ADGRL2: variants seen among roughly 807,000 people sequenced by gnomAD.
ADGRL2 encodes the protein calcium-independent alpha-latrotoxin receptor 2.
Under a neutral mutation model 157.4 loss-of-function variants are expected in ADGRL2, and 44 were observed. The observed-to-expected ratio is 0.28, with a 90% CI of 0.22 to 0.36. The LOEUF is 0.36. ADGRL2 is among the 10% of genes least tolerant of loss of function. The pLI is 1.00. For missense variants in ADGRL2, 1,510 were observed against 1,768.9 expected (o/e 0.85, Z 2.63); for synonymous variants, 585 against 624.7 (o/e 0.94, Z 0.95).
At chr1:81,649,450 T>C (rs1459504347) in intron 3 of ADGRL2, among the ~76,000 whole-genome samples, 1 of 152,204 alleles carries the variant, frequency 6.6e-6, no homozygotes, top group Non-Finnish European at 1.5e-5. Context: ...AAAGTTATTT[T>C]TGAGCTGAGG....
At chr1:81,951,786 T>C (rs1047663982) in intron 8 of ADGRL2, among the ~76,000 whole-genome samples, 171 bp from the exon 9 acceptor site, 41 of 152,056 alleles carry the variant, frequency 2.7e-4, no homozygotes, top group African/African-American at 8.5e-4. Flanking sequence ...TGTGTGTTGA[T>C]AATCTAAGAG....
intron 1 of ADGRL2, among the ~76,000 whole-genome samples, chr1:81,428,601 A>G (rs923625106): frequency 2.0e-5 from 3 of 152,148 alleles, no homozygotes; most frequent in Admixed American, 6.5e-5. Flanking sequence ...TGGGGGATGC[A>G]GGCAATTTTA....
chr1:81,782,880 G>A (rs74095920), intron 2 of ADGRL2, among the ~76,000 whole-genome samples: 3 of 152,288 alleles, frequency 2.0e-5, no homozygotes, highest in African/African-American at 7.2e-5. Flanking sequence ...ATCTACCTGA[G>A]TATCAAAGAA....
intron 6 of ADGRL2, among the ~76,000 whole-genome samples, chr1:81,945,340 T>G (rs1649458087): frequency 2.6e-5 from 4 of 152,094 alleles, no homozygotes; most frequent in African/African-American, 9.6e-5. Context: ...ATGTTAACCT[T>G]TTTGTAGCCT....
chr1:81,570,935 C>T (rs895988317), intron 2 of ADGRL2, among the ~76,000 whole-genome samples: 1 of 152,104 alleles, frequency 6.6e-6, no homozygotes, highest in Non-Finnish European at 1.5e-5. Flanking sequence ...CCTGTTGCAA[C>T]TACCTAACTC....
intron 3 of ADGRL2, among the ~76,000 whole-genome samples, chr1:81,608,535 G>A (rs1247970192): frequency 6.6e-6 from 1 of 152,170 alleles, no homozygotes; most frequent in South Asian, 2.1e-4. Context: ...GCTTGTGTGT[G>A]TGTTCTTTAG....
chr1:81,940,090 A>C (rs1025165803), intron 4 of ADGRL2, among the ~76,000 whole-genome samples: 1 of 151,558 alleles, frequency 6.6e-6, no homozygotes, highest in African/African-American at 2.4e-5. Flanking sequence ...TAGTTTATCA[A>C]ATAACAAAAT....
At chr1:81,595,214 T>C (rs2081208240) in intron 3 of ADGRL2, among the ~76,000 whole-genome samples, 2 of 152,082 alleles carry the variant, frequency 1.3e-5, no homozygotes, top group African/African-American at 4.8e-5. Context: ...AATTGAGAAG[T>C]GCAATACTTT....
chr1:81,777,950 C>T (rs2086651692), intron 2 of ADGRL2, among the ~76,000 whole-genome samples: 1 of 152,098 alleles, frequency 6.6e-6, no homozygotes, highest in African/African-American at 2.4e-5. Flanking sequence ...CCTTGAAAAG[C>T]CTTCCTCCAG....
At chr1:81,482,134 A>G (rs1488452998) in intron 2 of ADGRL2, among the ~76,000 whole-genome samples, 1 of 152,344 alleles carries the variant, frequency 6.6e-6, no homozygotes, top group Non-Finnish European at 1.5e-5. Context: ...TTAAAACACC[A>G]GTTTGAGAAT....
chr1:81,677,336 G>A (rs185045232), intron 3 of ADGRL2, among the ~76,000 whole-genome samples: 12 of 152,286 alleles, frequency 7.9e-5, no homozygotes, highest in Admixed American at 7.8e-4. Context: ...CCAACTCCTT[G>A]TGATCTAGTT....
chr1:81,426,509 G>A (rs534904987), intron 1 of ADGRL2: 20 of 403,456 alleles, frequency 5.0e-5, no homozygotes, highest in South Asian at 1.9e-4. Flanking sequence ...AGCTGTGACC[G>A]TCACCGCCGG....
chr1:81,421,682 C>G (rs77803460), intron 1 of ADGRL2, among the ~76,000 whole-genome samples: 2 of 149,990 alleles, frequency 1.3e-5, no homozygotes, highest in East Asian at 4.1e-4. Context: ...AACCACACAA[C>G]ATCTCAACTA....
chr1:81,344,821 G>A (rs1265478194), intron 1 of ADGRL2, among the ~76,000 whole-genome samples: 1 of 152,060 alleles, frequency 6.6e-6, no homozygotes, highest in Non-Finnish European at 1.5e-5. Context: ...TCATGCTATT[G>A]ATCAAGTGAA....
At chr1:81,617,797 G>C (rs2081694503) in intron 3 of ADGRL2, among the ~76,000 whole-genome samples, 1 of 152,138 alleles carries the variant, frequency 6.6e-6, no homozygotes, top group Admixed American at 6.5e-5. Flanking sequence ...TATTCCCCGT[G>C]GAATTACCTC....
intron 1 of ADGRL2, among the ~76,000 whole-genome samples, chr1:81,406,908 G>A (rs10874238): frequency 0.67 from 101,146 of 152,032 alleles, 34,507 homozygotes; most frequent in Admixed American, 0.76. Flanking sequence ...ATGGAAATAA[G>A]CTCAATCAGC....
intron 1 of ADGRL2, among the ~76,000 whole-genome samples, chr1:81,371,968 G>C (rs565527231): frequency 6.6e-6 from 1 of 152,254 alleles, no homozygotes; most frequent in Non-Finnish European, 1.5e-5. Context: ...GTCTGTTGTA[G>C]GTACAGTTGA....
chr1:81,455,204 A>C (rs1239000085), intron 2 of ADGRL2, among the ~76,000 whole-genome samples: 2 of 152,232 alleles, frequency 1.3e-5, no homozygotes, highest in Admixed American at 1.3e-4. Flanking sequence ...TTACTCTGTC[A>C]GTCAGTGTAT....
rs564645820 is a variant in ADGRL2 at position 81,783,102 on chromosome 1, T to A, written c.-101+21250T>A. On this transcript the variant is annotated intron_variant, in intron 2 of 20. Coordinates refer to the ADGRL2 transcript ENST00000359929. ...GTCCAGCATGCATATAGGCATACTT[T>A]GCCTGTATTCACCTTTCTTGCTATT... 9.8e-5 allele frequency among the ~76,000 whole-genome samples: 15 copies of A among 152,296 alleles called. No individual in the cohort carries two copies. The South Asian group carries it at 2.1e-3, about 21-fold the overall frequency.
Sources: gnomAD v4.1 joint callset for allele counts (sites outside exome capture counted in the v4.1 genomes callset) on GRCh38, gnomAD v4.1.1 for gene constraint, MANE v1.5 for transcripts, NCBI Gene and HGNC (gene_info 2026-07-23, HGNC 2026-07-21) for gene names.